Variants in PCBP3 observed in about 807,000 individuals in gnomAD.
PCBP3 encodes the protein poly(rC)-binding protein 3.
Under a neutral mutation model 52.7 loss-of-function variants are expected in PCBP3, and 25 were observed. The ratio of observed to expected loss-of-function variants is 0.47; its 90% CI spans 0.35 to 0.66. PCBP3 has a LOEUF of 0.66. Ranked by LOEUF, PCBP3 falls within the 30% of genes least tolerant of loss-of-function variation. PCBP3 has a pLI of 0.01. For synonymous variants in PCBP3, 162 were observed against 183.0 expected (o/e 0.89, Z 0.93); for missense variants, 391 against 490.3 (o/e 0.80, Z 1.91).
intron 4 of PCBP3, among the ~76,000 whole-genome samples, chr21:45,789,585 G>A (rs535778078): frequency 2.6e-5 from 4 of 152,340 alleles, no homozygotes; most frequent in East Asian, 3.9e-4. Context: ...TCCCCAGCAC[G>A]AAGGCTTTAA....
In PCBP3 at chr21:45,910,911, GC is replaced by G; in HGVS notation, c.484del (p.Gln162ArgfsTer17). 6.2e-7 allele frequency: 1 copy of G among 1,607,034 alleles called. No individual in the cohort carries two copies. On this transcript the variant is annotated frameshift_variant, in exon 11 of 18. Coordinates refer to ENST00000681687, the MANE Select transcript of PCBP3 (RefSeq NM_001384156.1). LOFTEE classifies it high-confidence loss of function. Reference sequence around the variant, plus strand: ...TGTCCCCTCTCTCCAGTCCACAGGTGCCCAGGTGCAGGTGGCTGGGGACATG... The same window carrying G: ...TGTCCCCTCTCTCCAGTCCACAGGTGCCAGGTGCAGGTGGCTGGGGACATG... Reference protein sequence around the residue: ...KIKEIRESTGAQVQVAGDMLP... With the variant: ...KIKEIRESTGXQVQVAGDMLP...
intron 2 of PCBP3, among the ~76,000 whole-genome samples, chr21:45,682,742 G>C (rs2081927776): frequency 1.3e-5 from 2 of 152,044 alleles, no homozygotes; most frequent in Non-Finnish European, 2.9e-5. Flanking sequence ...GAGCAGGCTA[G>C]GGGGAACAGA....
chr21:45,680,589 G>T (rs997086403), intron 2 of PCBP3, among the ~76,000 whole-genome samples: 7 of 152,164 alleles, frequency 4.6e-5, no homozygotes, highest in African/African-American at 1.7e-4. Context: ...ATTGATTCTA[G>T]AAGCTTTTGG....
At chr21:45,792,040 C>T (rs1311296593) in intron 4 of PCBP3, among the ~76,000 whole-genome samples, 2 of 152,388 alleles carry the variant, frequency 1.3e-5, no homozygotes, top group East Asian at 3.9e-4. Flanking sequence ...GTGCTGGGAC[C>T]TCAAGGCAAG....
intron 13 of PCBP3, among the ~76,000 whole-genome samples, chr21:45,927,026 A>G (rs1283214419): frequency 6.6e-6 from 1 of 152,188 alleles, no homozygotes; most frequent in Non-Finnish European, 1.5e-5. Flanking sequence ...CGAATGACAG[A>G]AACAGACATT....
chr21:45,895,182 G>C (rs2095793891), intron 5 of PCBP3, among the ~76,000 whole-genome samples: 1 of 152,164 alleles, frequency 6.6e-6, no homozygotes, highest in African/African-American at 2.4e-5. Flanking sequence ...TTACGTCTGT[G>C]TTATCTTTGT....
At chr21:45,696,686 G>A (rs2082797900) in intron 2 of PCBP3, among the ~76,000 whole-genome samples, 1 of 152,088 alleles carries the variant, frequency 6.6e-6, no homozygotes, top group Non-Finnish European at 1.5e-5. Context: ...AGCTGCTTGG[G>A]AGGCTGAGGC....
At chr21:45,843,300 C>T (rs1040331180) in intron 4 of PCBP3, among the ~76,000 whole-genome samples, 3 of 152,154 alleles carry the variant, frequency 2.0e-5, no homozygotes, top group African/African-American at 7.2e-5. Context: ...CCTGTGCCTT[C>T]GCAGTTGTTT....
At chr21:45,688,091 A>G (rs2082257665) in intron 2 of PCBP3, among the ~76,000 whole-genome samples, 1 of 152,228 alleles carries the variant, frequency 6.6e-6, no homozygotes, top group Admixed American at 6.5e-5. Flanking sequence ...CCTACTGTGT[A>G]TGTACCCAAA....
At chr21:45,781,406 C>T (rs539965095) in intron 4 of PCBP3, among the ~76,000 whole-genome samples, 1 of 152,268 alleles carries the variant, frequency 6.6e-6, no homozygotes, top group South Asian at 2.1e-4. Flanking sequence ...CATATAAGTA[C>T]ATAAATAGAT....
chr21:45,667,588 C>G (rs1281394005), intron 1 of PCBP3, among the ~76,000 whole-genome samples: 1 of 152,000 alleles, frequency 6.6e-6, no homozygotes, highest in Non-Finnish European at 1.5e-5. Context: ...ATTCTTTAAT[C>G]CTTTAGACAT....
At chr21:45,645,815 T>C (rs746672439) in intron 1 of PCBP3, among the ~76,000 whole-genome samples, 3 of 152,208 alleles carry the variant, frequency 2.0e-5, no homozygotes, top group Admixed American at 6.5e-5. Context: ...AGGTGAACAC[T>C]GAAACAGATT....
Position 45,904,153 on chromosome 21 carries a change from T to TG in PCBP3, c.339+3041dup, listed in dbSNP as rs1340295254. Among the ~76,000 whole-genome samples the TG allele has an allele frequency of 6.6e-6, 1 of 152,222 alleles. No homozygotes were observed. Among genetic ancestry groups the TG allele is most frequent in the Non-Finnish European group, 1.5e-5 (1 of 68,032 alleles). On this transcript the variant is annotated intron_variant, in intron 9 of 17. Coordinates refer to ENST00000681687, the MANE Select transcript of PCBP3 (RefSeq NM_001384156.1). The surrounding 1 kb of genome is among the most constrained non-coding windows in gnomAD (Gnocchi z 4.8). ...TTACGTAGGTTATGTAGGGCTGTGC[T>TG]GAGTCCTCTACAGTCATTTGTCATC...
chr21:45,743,689 T>C (rs2086617310), intron 3 of PCBP3, among the ~76,000 whole-genome samples: 1 of 152,190 alleles, frequency 6.6e-6, no homozygotes, highest in Non-Finnish European at 1.5e-5. Flanking sequence ...GTTCGAGTTA[T>C]TGTAAAGGTT....
chr21:45,685,094 A>C (rs2082076606), intron 2 of PCBP3, among the ~76,000 whole-genome samples: 1 of 152,226 alleles, frequency 6.6e-6, no homozygotes, highest in African/African-American at 2.4e-5. Context: ...GCAAAGACCA[A>C]ATGTTACACT....
chr21:45,916,390 A>G (rs2073423715), intron 12 of PCBP3: 1 of 152,210 alleles, frequency 6.6e-6, no homozygotes, highest in South Asian at 2.1e-4. Context: ...ATCTGATAAG[A>G]TTCTTTTACT....
intron 5 of PCBP3, among the ~76,000 whole-genome samples, chr21:45,887,965 T>G (rs1479802226): frequency 1.3e-5 from 2 of 152,242 alleles, no homozygotes; most frequent in Non-Finnish European, 2.9e-5. Context: ...CTTGCAGCTG[T>G]GCTTGCAGCT....
At chr21:45,743,932 A>G (rs2086636362) in intron 3 of PCBP3, among the ~76,000 whole-genome samples, 1 of 152,094 alleles carries the variant, frequency 6.6e-6, no homozygotes, top group African/African-American at 2.4e-5. Flanking sequence ...TACCTTTAAT[A>G]GAATTCGTCT....
intron 4 of PCBP3, among the ~76,000 whole-genome samples, chr21:45,838,507 T>A (rs2093636615): frequency 6.6e-6 from 1 of 152,116 alleles, no homozygotes; most frequent in South Asian, 2.1e-4. Context: ...TATAATTTAG[T>A]GAACAGAAAT....
Sources: allele counts gnomAD v4.1 joint callset (sites outside exome capture counted in the v4.1 genomes callset), GRCh38; gene constraint gnomAD v4.1.1; non-coding constraint Gnocchi (gnomAD v3.1); transcripts MANE v1.5; gene names NCBI Gene and HGNC (gene_info 2026-07-23, HGNC 2026-07-21).